Variants in COL24A1 observed in about 807,000 individuals in gnomAD.
The protein encoded by COL24A1 is collagen type XXIV alpha 1 chain.
Under a neutral mutation model 253.9 loss-of-function variants are expected in COL24A1, and 224 were observed. The observed-to-expected ratio is 0.88, with a 90% CI of 0.79 to 0.99. The LOEUF is 0.99. Among genes scored for constraint, COL24A1 ranks in the 50% least tolerant of loss-of-function variants. The pLI, the probability that COL24A1 is intolerant of heterozygous loss-of-function variation, is 0.00. For missense variants in COL24A1, 2,131 were observed against 2,068.5 expected, an observed-to-expected ratio of 1.03 and a Z score of -0.59; for synonymous variants, 685 against 673.7, an observed-to-expected ratio of 1.02 and a Z score of -0.26.
At chr1:85,948,904 C>T (rs1462595664) in intron 24 of COL24A1, among the ~76,000 whole-genome samples, 2 of 151,658 alleles carry the variant, frequency 1.3e-5, no homozygotes, top group East Asian at 1.9e-4. Flanking sequence ...TCTAACAGCC[C>T]ATCAAAAAGA....
intron 14 of COL24A1, among the ~76,000 whole-genome samples, chr1:86,027,646 G>A (rs1698167547): frequency 6.6e-6 from 1 of 152,220 alleles, no homozygotes; most frequent in Non-Finnish European, 1.5e-5. Flanking sequence ...TGCTGCAGGG[G>A]TGACACCCTC....
chr1:86,142,314 G>C (rs112954100), intron 2 of COL24A1, among the ~76,000 whole-genome samples: 2,669 of 152,048 alleles, frequency 0.018, 35 homozygotes, highest in Middle Eastern at 0.044. Flanking sequence ...ACGAGATCAG[G>C]AGATCGAGAC....
intron 19 of COL24A1, among the ~76,000 whole-genome samples, chr1:86,014,580 C>T (rs1396739898): frequency 1.3e-5 from 2 of 150,640 alleles, no homozygotes; most frequent in Admixed American, 6.6e-5. Context: ...AACATTATTT[C>T]CTGCCACTCT....
intron 20 of COL24A1, among the ~76,000 whole-genome samples, chr1:85,971,604 T>C (rs747411076): frequency 3.9e-5 from 6 of 152,186 alleles, no homozygotes; most frequent in Non-Finnish European, 8.8e-5. Context: ...AAGTTAATAT[T>C]CAAATAATCT....
intron 20 of COL24A1, among the ~76,000 whole-genome samples, chr1:85,987,366 C>CA (rs1253753692): frequency 6.6e-6 from 1 of 151,538 alleles, no homozygotes; most frequent in South Asian, 2.1e-4. Flanking sequence ...TCATCTCTTC[C>CA]AAAAAAATCC....
At chr1:85,859,498 G>A (rs1271987076) in intron 37 of COL24A1, among the ~76,000 whole-genome samples, 1 of 152,076 alleles carries the variant, frequency 6.6e-6, no homozygotes, top group Non-Finnish European at 1.5e-5. Flanking sequence ...GTGAGAAAAG[G>A]GGTTGCGTTA....
At position 85,908,616 on chromosome 1, in the gene COL24A1, G is replaced by A. The variant is rs948089945; in HGVS notation, c.2706C>T (p.Ile902=). 1.5e-5 allele frequency: 22 copies of A among 1,482,966 alleles called. No individual in the cohort carries two copies. Among genetic ancestry groups the A allele is most frequent in the African/African-American group, 1.2e-4 (8 of 69,384 alleles). 91.9% of individuals were successfully genotyped at this position (1,482,966 alleles called of 1,614,324 possible). The change falls in exon 27 of 60, where the codon ATC becomes ATT. Residue 902 remains isoleucine, a synonymous_variant. Coordinates refer to ENST00000370571, the MANE Select transcript of COL24A1 (RefSeq NM_152890.7). ...TACTTACAGGTAATCCCAATGGACC[G>A]ATAGGTCCTGGAACCCCAGGAGGAC... The part of the protein sequence containing the change: ...YPGPPGVPGP[I]GPLGLPGHVG...
intron 37 of COL24A1, among the ~76,000 whole-genome samples, chr1:85,861,131 G>A (rs1194479494): frequency 6.6e-6 from 1 of 152,098 alleles, no homozygotes; most frequent in Admixed American, 6.6e-5. Context: ...ATGTATAAGG[G>A]TTCCAATTTC....
At position 86,132,506 on chromosome 1, in the gene COL24A1, A is replaced by C. The variant is rs545848440; in HGVS notation, c.122-6292T>G. Among the ~76,000 whole-genome samples, 524 of 152,186 alleles carry C rather than the reference A, an allele frequency of 3.4e-3. 3 individuals carry two copies. Among genetic ancestry groups the C allele is most frequent in the Non-Finnish European group, 4.1e-3 (278 of 67,996 alleles). On this transcript the variant is annotated intron_variant, in intron 2 of 59. Coordinates refer to ENST00000370571, the MANE Select transcript of COL24A1 (RefSeq NM_152890.7). ...GGGTTTTTATGGTTTTAGGTCTAAC[A>C]TGTAAGTCTTTAATCCATCTTGAAT... is the stretch of plus-strand genomic sequence containing the variant.
At chr1:85,907,795 T>G (rs943285190) in intron 27 of COL24A1, among the ~76,000 whole-genome samples, 1 of 151,874 alleles carries the variant, frequency 6.6e-6, no homozygotes, top group Non-Finnish European at 1.5e-5. Context: ...TTTATAGCTA[T>G]AGTCTTTAAT....
chr1:86,146,748 T>C (rs552019480), intron 1 of COL24A1, among the ~76,000 whole-genome samples: 37 of 151,978 alleles, frequency 2.4e-4, no homozygotes, highest in Admixed American at 4.6e-4. Flanking sequence ...GTTTTGAAAA[T>C]AGCAATGGCC....
intron 20 of COL24A1, among the ~76,000 whole-genome samples, chr1:85,984,561 A>C (rs1693548526): frequency 2.0e-5 from 3 of 151,878 alleles, no homozygotes; most frequent in Non-Finnish European, 4.4e-5. Flanking sequence ...TGGATAAATA[A>C]ATGTATTTAT....
intron 47 of COL24A1, among the ~76,000 whole-genome samples, chr1:85,806,678 CA>C (rs5775872): frequency 0.4 from 60,102 of 152,012 alleles, 12,980 homozygotes; most frequent in East Asian, 0.58. Flanking sequence ...ATTTGTTCAC[CA>C]AATGTGGTTT....
chr1:85,827,869 C>A (rs1416690290), intron 43 of COL24A1, among the ~76,000 whole-genome samples: 1 of 152,036 alleles, frequency 6.6e-6, no homozygotes, highest in Non-Finnish European at 1.5e-5. Flanking sequence ...TTTCAAAAAA[C>A]CAGCTCCTGG....
In COL24A1 at chr1:86,125,200, T is replaced by C. The variant is rs1204409918; in HGVS notation, c.1136A>G (p.Gln379Arg). The change falls in exon 3 of 60, where the codon CAA (glutamine) becomes CGA (arginine). Residue 379 changes from glutamine to arginine, a missense_variant. Transcript: ENST00000370571. Reference sequence around the variant, plus strand: ...CAGACCAGTTACTCTATCATCATGTTGTGTGATATTGTCAGACATGTTTAG... The same window carrying C: ...CAGACCAGTTACTCTATCATCATGTCGTGTGATATTGTCAGACATGTTTAG... ...SLLNMSDNIT[Q>R]HDDRVTGLSL... 6.2e-7 allele frequency: 1 copy of C among 1,613,570 alleles called. No homozygotes were observed.
intron 22 of COL24A1, among the ~76,000 whole-genome samples, chr1:85,969,333 G>A (rs533628918): frequency 1.3e-5 from 2 of 152,108 alleles, no homozygotes; most frequent in African/African-American, 2.4e-5. Context: ...GGCCAGGCAT[G>A]GTGGCTCACT....
chr1:86,085,432 GCAT>G (rs1262738163), intron 7 of COL24A1, among the ~76,000 whole-genome samples: 3 of 152,100 alleles, frequency 2.0e-5, no homozygotes, highest in Non-Finnish European at 4.4e-5. Flanking sequence ...TAAAATGTGT[GCAT>G]CATATTTCAC....
intron 47 of COL24A1, among the ~76,000 whole-genome samples, chr1:85,801,044 A>G (rs930554288): frequency 1.3e-5 from 2 of 152,230 alleles, no homozygotes; most frequent in African/African-American, 4.8e-5. Context: ...TCTCGAGATT[A>G]TTAGATATGT....
intron 7 of COL24A1, among the ~76,000 whole-genome samples, chr1:86,080,728 C>G (rs921008701): frequency 9.9e-5 from 15 of 151,824 alleles, no homozygotes; most frequent in Admixed American, 7.2e-4. Flanking sequence ...CCACACAGGA[C>G]AAATAAAAAG....
Sources: allele counts gnomAD v4.1 joint callset (sites outside exome capture counted in the v4.1 genomes callset), GRCh38; gene constraint gnomAD v4.1.1; transcripts MANE v1.5; gene names NCBI Gene and HGNC (gene_info 2026-07-23, HGNC 2026-07-21).